Variants in SCD5 observed in about 807,000 individuals in gnomAD.
SCD5 encodes acyl-CoA-desaturase 4.
SCD5 carries 20 observed loss-of-function variants against 30.4 expected under a neutral mutation model. The observed-to-expected ratio is 0.66, with a 90% CI of 0.46 to 0.96. The LOEUF (loss-of-function observed/expected upper bound fraction) is 0.96, where lower values mean the gene tolerates loss of function less well. Among genes scored for constraint, SCD5 ranks in the 40% least tolerant of loss-of-function variants. The pLI is 0.00. For missense variants in SCD5, 381 were observed against 443.3 expected, an observed-to-expected ratio of 0.86 and a Z score of 1.26; for synonymous variants, 173 against 176.4, an observed-to-expected ratio of 0.98 and a Z score of 0.16.
intron 3 of SCD5, among the ~76,000 whole-genome samples, chr4:82,663,377 G>T (rs1490737413): frequency 1.3e-5 from 2 of 152,268 alleles, no homozygotes; most frequent in East Asian, 3.9e-4. Flanking sequence ...TTTCTTTAGG[G>T]CCCCTAACTG....
chr4:82,762,568 G>T (rs899053582), intron 1 of SCD5, among the ~76,000 whole-genome samples: 4 of 152,098 alleles, frequency 2.6e-5, no homozygotes, highest in South Asian at 4.1e-4. Flanking sequence ...GATGACTTAG[G>T]TCCAGTCTCC....
intron 4 of SCD5, among the ~76,000 whole-genome samples, chr4:82,633,335 A>G (rs1172306809): frequency 6.6e-6 from 1 of 152,230 alleles, no homozygotes; most frequent in African/African-American, 2.4e-5. Context: ...AAGGCTGAAT[A>G]GTATTCCATG....
chr4:82,629,855 C>T lies in SCD5; in HGVS notation c.*1472G>A, dbSNP rs1560518311. ...CACACAAATTTTTTTAATCCAGAAG[C>T]TACATAATGATCACTTTATATTTTG... is the stretch of plus-strand genomic sequence containing the variant. On this transcript the variant is annotated 3_prime_UTR_variant, in exon 5 of 5. Coordinates refer to ENST00000319540, the MANE Select transcript of SCD5 (RefSeq NM_001037582.3). 1 of 152,140 alleles carries T rather than the reference C, an allele frequency of 6.6e-6. No homozygotes were observed. The highest frequency in any genetic ancestry group is 6.5e-5 in the Admixed American group (1 of 15,282). The allele number at this position is 152,140 out of a possible 1,614,324, so 9.4% of individuals were successfully genotyped here. A position where few individuals can be genotyped will look rare whatever the true frequency, so the allele number is the denominator to read the frequency against.
At chr4:82,787,129 T>A (rs145951357) in intron 1 of SCD5, among the ~76,000 whole-genome samples, 1 of 152,198 alleles carries the variant, frequency 6.6e-6, no homozygotes, top group East Asian at 1.9e-4. Context: ...TTATAAATGC[T>A]CCCTTTTGAA....
chr4:82,750,260 A>G (rs1384365837), intron 1 of SCD5, among the ~76,000 whole-genome samples: 1 of 152,194 alleles, frequency 6.6e-6, no homozygotes, highest in East Asian at 1.9e-4. Context: ...GGTCTTCCAC[A>G]TTGATAACTT....
chr4:82,644,562 G>C (rs1727602396), intron 3 of SCD5, among the ~76,000 whole-genome samples: 1 of 152,180 alleles, frequency 6.6e-6, no homozygotes, highest in Non-Finnish European at 1.5e-5. Context: ...GATGAGTCTT[G>C]GTTTCCCAGG....
intron 1 of SCD5, among the ~76,000 whole-genome samples, chr4:82,775,078 A>G (rs1721717696): frequency 6.6e-6 from 1 of 152,180 alleles, no homozygotes; most frequent in Non-Finnish European, 1.5e-5. Context: ...ACTGCTAATT[A>G]GCACCTCCAG....
At chr4:82,633,033 C>T (rs1207319483) in intron 4 of SCD5, among the ~76,000 whole-genome samples, 1 of 152,124 alleles carries the variant, frequency 6.6e-6, no homozygotes, top group Non-Finnish European at 1.5e-5. Flanking sequence ...TTCAAGAATA[C>T]AATACATTGT....
At chr4:82,658,630 CTTTT>C (rs57727794) in intron 3 of SCD5, among the ~76,000 whole-genome samples, 4 of 116,912 alleles carry the variant, frequency 3.4e-5, no homozygotes, top group Non-Finnish European at 6.9e-5. Context: ...CCACACCTGG[CTTTT>C]TTTTTTTTTT....
At chr4:82,731,362 C>T (rs1720640316) in intron 1 of SCD5, among the ~76,000 whole-genome samples, 1 of 152,220 alleles carries the variant, frequency 6.6e-6, no homozygotes, top group South Asian at 2.1e-4. Flanking sequence ...GAGCAGACCA[C>T]TTGAAGAGAG....
At chr4:82,657,072 C>A (rs947530482) in intron 3 of SCD5, among the ~76,000 whole-genome samples, 30 of 152,074 alleles carry the variant, frequency 2.0e-4, no homozygotes, top group African/African-American at 7.2e-4. Flanking sequence ...ATGATAGTTT[C>A]TTTTGCTGTG....
chr4:82,730,807 G>A (rs369011518), intron 1 of SCD5, among the ~76,000 whole-genome samples: 17 of 151,836 alleles, frequency 1.1e-4, no homozygotes, highest in South Asian at 6.3e-4. Flanking sequence ...GATGGTCTCG[G>A]TCTCCTGACC....
At chr4:82,679,267 G>GAAAGAAA (rs1560531726) in intron 3 of SCD5, among the ~76,000 whole-genome samples, 1 of 119,072 alleles carries the variant, frequency 8.4e-6, no homozygotes. Context: ...AAAGAAGGAA[G>GAAAGAAA]GAAAGAAAGA....
chr4:82,691,365 G>A (rs1374648820), intron 2 of SCD5, among the ~76,000 whole-genome samples: 1 of 152,134 alleles, frequency 6.6e-6, no homozygotes. Flanking sequence ...CAGGTTGAGA[G>A]GAGTTGGAGG....
chr4:82,730,657 C>T (rs1720620534), intron 1 of SCD5, among the ~76,000 whole-genome samples: 1 of 142,596 alleles, frequency 7.0e-6, no homozygotes, highest in Admixed American at 7.4e-5. Context: ...GGGATCTTGG[C>T]TCACTGCATG....
At chr4:82,782,598 TC>T (rs34654737) in intron 1 of SCD5, among the ~76,000 whole-genome samples, 3,233 of 152,164 alleles carry the variant, frequency 0.021, 58 homozygotes, top group Middle Eastern at 0.085. Flanking sequence ...TAACAGCTTT[TC>T]CCCACACATC....
At chr4:82,753,278 G>A (rs1298946082) in intron 1 of SCD5, 1 of 488,548 alleles carries the variant, frequency 2.0e-6, no homozygotes, top group Non-Finnish European at 4.3e-6. Flanking sequence ...ACATTCTCTA[G>A]ATGGCTATGT....
At chr4:82,779,345 G>A (rs189999720) in intron 1 of SCD5, among the ~76,000 whole-genome samples, 2 of 152,252 alleles carry the variant, frequency 1.3e-5, no homozygotes, top group Admixed American at 1.3e-4. Context: ...CATCAGCCAA[G>A]GACAGCATGC....
intron 1 of SCD5, among the ~76,000 whole-genome samples, chr4:82,712,268 A>G (rs1240810817): frequency 4.4e-5 from 2 of 45,750 alleles, no homozygotes; most frequent in African/African-American, 2.9e-4. Context: ...ATATATATAT[A>G]TATATATATA....
Sources: allele counts gnomAD v4.1 joint callset (sites outside exome capture counted in the v4.1 genomes callset), GRCh38; gene constraint gnomAD v4.1.1; transcripts MANE v1.5; gene names NCBI Gene and HGNC (gene_info 2026-07-23, HGNC 2026-07-21).